Variants in RABGAP1L observed in about 807,000 individuals in gnomAD.
RABGAP1L encodes rab GTPase-activating protein 1-like.
In RABGAP1L, 63 loss-of-function variants were observed where a neutral mutation model predicts 137.7. The ratio of observed to expected loss-of-function variants is 0.46; its 90% CI spans 0.37 to 0.56. RABGAP1L has a LOEUF of 0.56. Ranked by LOEUF, RABGAP1L falls within the 20% of genes least tolerant of loss-of-function variation. RABGAP1L has a pLI of 0.00. For missense variants in RABGAP1L, 1,095 were observed against 1,244.0 expected (o/e 0.88, Z 1.80); for synonymous variants, 431 against 433.7 (o/e 0.99, Z 0.08).
intron 14 of RABGAP1L, among the ~76,000 whole-genome samples, chr1:174,676,346 G>T (rs1248841058): frequency 6.6e-6 from 1 of 151,960 alleles, no homozygotes; most frequent in East Asian, 1.9e-4. Context: ...TACAGATTTT[G>T]AGAGGCTTCT....
At chr1:174,434,955 A>G (rs373709942) in intron 13 of RABGAP1L, among the ~76,000 whole-genome samples, 4 of 152,270 alleles carry the variant, frequency 2.6e-5, no homozygotes, top group Admixed American at 6.5e-5. Flanking sequence ...TTTGCTAAGC[A>G]GAACATTTAT....
chr1:174,632,646 T>C (rs1237461827), intron 13 of RABGAP1L, among the ~76,000 whole-genome samples: 1 of 150,360 alleles, frequency 6.7e-6, no homozygotes, highest in Non-Finnish European at 1.5e-5. Context: ...ATTCATTTCA[T>C]CTTCCATCAC....
intron 7 of RABGAP1L, among the ~76,000 whole-genome samples, chr1:174,264,335 G>T (rs532963695): frequency 6.6e-6 from 1 of 151,954 alleles, no homozygotes; most frequent in Non-Finnish European, 1.5e-5. Flanking sequence ...TTTTCTACTT[G>T]TATACTCTAT....
intron 13 of RABGAP1L, among the ~76,000 whole-genome samples, chr1:174,597,481 G>T (rs1011849839): frequency 1.3e-4 from 19 of 151,788 alleles, no homozygotes; most frequent in African/African-American, 4.6e-4. Flanking sequence ...TTTCTTCTAG[G>T]TTTTCTGATT....
At chr1:174,313,042 C>T (rs1679010493) in intron 11 of RABGAP1L, among the ~76,000 whole-genome samples, 1 of 152,136 alleles carries the variant, frequency 6.6e-6, no homozygotes, top group Non-Finnish European at 1.5e-5. Context: ...CTTGAACTGC[C>T]TCAGCCTCCC....
intron 10 of RABGAP1L, 95 bp from the exon 11 acceptor site, chr1:174,304,891 T>TC: frequency 8.6e-7 from 1 of 1,165,710 alleles, no homozygotes; most frequent in Admixed American, 3.5e-5. Flanking sequence ...ACGCCATTCT[T>TC]CATTGCAGCT....
chr1:174,664,768 A>T (rs1308830965), intron 14 of RABGAP1L, among the ~76,000 whole-genome samples: 34 of 62,680 alleles, frequency 5.4e-4, no homozygotes, highest in African/African-American at 1.9e-3. Context: ...CAGAGTTTTC[A>T]CTCTTGTTGC....
intron 11 of RABGAP1L, among the ~76,000 whole-genome samples, chr1:174,332,348 T>C (rs1206816013): frequency 2.0e-5 from 3 of 152,046 alleles, no homozygotes; most frequent in African/African-American, 4.8e-5. Context: ...TTCAGTGTTG[T>C]TTATACTCTT....
intron 19 of RABGAP1L, among the ~76,000 whole-genome samples, chr1:174,867,511 C>T (rs544780601): frequency 1.3e-5 from 2 of 152,246 alleles, no homozygotes; most frequent in Non-Finnish European, 2.9e-5. Flanking sequence ...TCTAAATGGG[C>T]TATTCAAAAG....
At chr1:174,504,967 A>C (rs1216282324) in intron 13 of RABGAP1L, among the ~76,000 whole-genome samples, 1 of 152,208 alleles carries the variant, frequency 6.6e-6, no homozygotes, top group Non-Finnish European at 1.5e-5. Flanking sequence ...CCAACCATAC[A>C]TCTGATAAGG....
At chr1:174,351,409 CTG>C in intron 11 of RABGAP1L, among the ~76,000 whole-genome samples, 2 of 152,120 alleles carry the variant, frequency 1.3e-5, no homozygotes, top group Non-Finnish European at 2.9e-5. Flanking sequence ...GACTTTATTT[CTG>C]CTTCATGTTG....
At chr1:174,570,894 A>G (rs1161375469) in intron 13 of RABGAP1L, among the ~76,000 whole-genome samples, 1 of 152,206 alleles carries the variant, frequency 6.6e-6, no homozygotes, top group South Asian at 2.1e-4. Context: ...TAGTTGCCAT[A>G]TGATGCACCA....
intron 13 of RABGAP1L, among the ~76,000 whole-genome samples, chr1:174,614,851 T>G (rs146695982): frequency 0.021 from 3,257 of 152,352 alleles, 123 homozygotes; most frequent in African/African-American, 0.075. Flanking sequence ...CTGATACCCT[T>G]TCTTCCAGTT....
At chr1:174,228,678 A>C (rs1220141052) in intron 3 of RABGAP1L, among the ~76,000 whole-genome samples, 1 of 152,202 alleles carries the variant, frequency 6.6e-6, no homozygotes, top group African/African-American at 2.4e-5. Context: ...GTTCCTTAAC[A>C]AAAAAGTCAG....
chr1:174,783,719 T>TC (rs1294690986), intron 18 of RABGAP1L, among the ~76,000 whole-genome samples: 8 of 143,674 alleles, frequency 5.6e-5, no homozygotes, highest in African/African-American at 2.0e-4. Flanking sequence ...TTTTTTTTTT[T>TC]TTTTTTTTGA....
chr1:174,677,159 C>CAAAAAAAAAAAAAAAAA (rs10636911), intron 14 of RABGAP1L, among the ~76,000 whole-genome samples: 2 of 126,358 alleles, frequency 1.6e-5, no homozygotes, highest in Non-Finnish European at 1.6e-5. Context: ...CCATCTCTAC[C>CAAAAAAAAAAAAAAAAA]AAAAAAAAAA....
chr1:174,298,254 G>C (rs1677316996), intron 10 of RABGAP1L, among the ~76,000 whole-genome samples: 1 of 151,870 alleles, frequency 6.6e-6, no homozygotes, highest in Non-Finnish European at 1.5e-5. Context: ...GCATCCCCGA[G>C]TTCTGGTGAC....
At chr1:174,797,691 T>C (rs1367944537) in intron 18 of RABGAP1L, among the ~76,000 whole-genome samples, 3 of 118,302 alleles carry the variant, frequency 2.5e-5, no homozygotes, top group African/African-American at 9.7e-5. Context: ...TGTGGGGGGA[T>C]GTGTGTGTGT....
At chr1:174,873,163 G>A (rs1316829111) in intron 19 of RABGAP1L, among the ~76,000 whole-genome samples, 1 of 151,902 alleles carries the variant, frequency 6.6e-6, no homozygotes, top group Admixed American at 6.5e-5. Context: ...CTGCCTCCTG[G>A]GTTCAAGCGA....
Sources: allele counts gnomAD v4.1 joint callset (sites outside exome capture counted in the v4.1 genomes callset), GRCh38; gene constraint gnomAD v4.1.1; transcripts MANE v1.5; gene names NCBI Gene and HGNC (gene_info 2026-07-23, HGNC 2026-07-21).